Variants in MTHFD1 observed in about 807,000 individuals in gnomAD.
The protein encoded by MTHFD1 is C-1-tetrahydrofolate synthase, cytoplasmic.
Under a neutral mutation model 110.3 loss-of-function variants are expected in MTHFD1, and 44 were observed. That is an observed-to-expected ratio of 0.40 (90% CI 0.31 to 0.51). The LOEUF is 0.51. Ranked by LOEUF, MTHFD1 falls within the 20% of genes least tolerant of loss-of-function variation. MTHFD1 has a pLI of 0.60. For missense variants in MTHFD1, 909 were observed against 1,173.1 expected (o/e 0.77, Z 3.29); for synonymous variants, 402 against 428.8 (o/e 0.94, Z 0.77).
intron 2 of MTHFD1, 56 bp downstream of exon 2, chr14:64,400,933 T>C (rs530230911): frequency 1.6e-4 from 196 of 1,253,726 alleles, no homozygotes; most frequent in South Asian, 6.0e-4. Flanking sequence ...CTCAGTATCA[T>C]TTCAGACCTC....
At chr14:64,397,138 A>AATAT (rs1182197415) in intron 1 of MTHFD1, among the ~76,000 whole-genome samples, 3 of 11,942 alleles carry the variant, frequency 2.5e-4, no homozygotes, top group Non-Finnish European at 4.2e-4. Flanking sequence ...AAAAAAAAAA[A>AATAT]ATATATATAT....
intron 21 of MTHFD1, among the ~76,000 whole-genome samples, chr14:64,444,472 A>G (rs1275657429): frequency 6.6e-6 from 1 of 151,742 alleles, no homozygotes; most frequent in African/African-American, 2.4e-5. Flanking sequence ...CACCTCCTTA[A>G]TTCAGGTCAT....
At chr14:64,396,302 A>G (rs1374119311) in intron 1 of MTHFD1, among the ~76,000 whole-genome samples, 1 of 151,708 alleles carries the variant, frequency 6.6e-6, no homozygotes, top group Non-Finnish European at 1.5e-5. Context: ...TTTGAAATAT[A>G]TGTATTTCTT....
intron 15 of MTHFD1, among the ~76,000 whole-genome samples, chr14:64,432,150 T>G (rs781131326): frequency 8.5e-5 from 13 of 152,242 alleles, no homozygotes; most frequent in Non-Finnish European, 1.6e-4. Flanking sequence ...AGGATGTCAC[T>G]GTGGCGGCAT....
At chr14:64,434,742 A>G (rs1401754942) in intron 15 of MTHFD1, among the ~76,000 whole-genome samples, 2 of 152,054 alleles carry the variant, frequency 1.3e-5, no homozygotes, top group African/African-American at 4.8e-5. Context: ...ATGCTCTTGA[A>G]AGTACACTTA....
chr14:64,402,486 T>G (rs2077905226), intron 2 of MTHFD1, among the ~76,000 whole-genome samples: 1 of 152,224 alleles, frequency 6.6e-6, no homozygotes, highest in South Asian at 2.1e-4. Context: ...TTCACTTTAT[T>G]CATTTTTGAG....
chr14:64,403,049 T>G (rs886670618), intron 2 of MTHFD1, among the ~76,000 whole-genome samples: 1 of 152,114 alleles, frequency 6.6e-6, no homozygotes, highest in Admixed American at 6.6e-5. Flanking sequence ...AACCTTCATC[T>G]CCCAGGCTCA....
At chr14:64,421,683 G>A (rs2078072526) in intron 8 of MTHFD1, among the ~76,000 whole-genome samples, 1 of 151,456 alleles carries the variant, frequency 6.6e-6, no homozygotes. Context: ...GAGTGCTGTG[G>A]CGCGATCTCG....
rs1044740421 is a variant in MTHFD1 at position 64,459,950 on chromosome 14, T to G, written c.*196T>G. The G allele has an allele frequency of 2.8e-5, 43 of 1,526,970 alleles. No homozygotes were observed. Among genetic ancestry groups the G allele is most frequent in the Non-Finnish European group, 3.2e-5 (36 of 1,139,350 alleles). The allele number at this position is 1,526,970 out of a possible 1,614,324, so 94.6% of individuals were successfully genotyped here. A position where few individuals can be genotyped will look rare whatever the true frequency, so the allele number is the denominator to read the frequency against. ...ATCATGTATAAATTAACATAAATCA[T>G]GCATGTCTGTTTACTTTAGTGACGT... On this transcript the variant is annotated 3_prime_UTR_variant, in exon 28 of 28. Coordinates refer to ENST00000652337, the MANE Select transcript of MTHFD1 (RefSeq NM_005956.4).
intron 26 of MTHFD1, 176 bp from the exon 27 acceptor site, chr14:64,458,038 A>G (rs1178166337): frequency 1.5e-6 from 1 of 646,820 alleles, no homozygotes; most frequent in African/African-American, 1.8e-5. Context: ...CTACAGGCAC[A>G]TGCCATCATA....
intron 1 of MTHFD1, chr14:64,388,725 C>G (rs2077782968): frequency 6.8e-6 from 4 of 584,618 alleles, no homozygotes; most frequent in Non-Finnish European, 1.2e-5. Flanking sequence ...AAACGCGCAG[C>G]TGCTGGTGAC....
intron 22 of MTHFD1, chr14:64,445,171 C>T (rs1348710027): frequency 1.1e-5 from 3 of 274,650 alleles, no homozygotes; most frequent in Non-Finnish European, 2.1e-5. Context: ...GCTGAGAAAC[C>T]CTGTCCTAGA....
rs189795863 is a variant in MTHFD1 at position 64,411,625 on chromosome 14, C to T, written c.186+476C>T. 1.5e-3 allele frequency among the ~76,000 whole-genome samples: 232 copies of T among 152,300 alleles called. 2 individuals carry two copies. The highest frequency in any genetic ancestry group is 0.01 in the South Asian group (50 of 4,826). ...TTACATAAGATGACAGATGGCCGGACGCGGTGGCTCACGCCAGTAATCCCA... is the reference window on the plus strand; with the variant it reads ...TTACATAAGATGACAGATGGCCGGATGCGGTGGCTCACGCCAGTAATCCCA... On this transcript the variant is annotated intron_variant, in intron 3 of 27. Transcript: ENST00000652337.
At chr14:64,398,882 A>G (rs1596531301) in intron 1 of MTHFD1, among the ~76,000 whole-genome samples, 1 of 152,220 alleles carries the variant, frequency 6.6e-6, no homozygotes, top group Non-Finnish European at 1.5e-5. Flanking sequence ...TTATGGATGT[A>G]ATTTCATTTA....
In MTHFD1 at chr14:64,459,833, T is replaced by C. The variant is rs917669759; in HGVS notation, c.*79T>C. 6.5e-7 allele frequency: 1 copy of C among 1,535,970 alleles called. No individual in the cohort carries two copies. Among genetic ancestry groups the C allele is most frequent in the Non-Finnish European group, 8.7e-7 (1 of 1,146,774 alleles). On this transcript the variant is annotated 3_prime_UTR_variant, in exon 28 of 28. Transcript: ENST00000652337. ...TTCAGGCCCACTGGGAGTTAGGAAGTATAAGTAAGCCAAGAGAAGTCAGCC... is the reference window on the plus strand; with the variant it reads ...TTCAGGCCCACTGGGAGTTAGGAAGCATAAGTAAGCCAAGAGAAGTCAGCC...
Position 64,435,646 on chromosome 14 carries a change from T to A in MTHFD1, c.1572T>A (p.Asp524Glu). Residue 524 changes from aspartate (D) to glutamate (E), a missense_variant, in exon 16 of 28, where the codon GAT becomes GAA. Coordinates refer to ENST00000652337, the MANE Select transcript of MTHFD1 (RefSeq NM_005956.4). Reference protein sequence around the residue: ...EINRFARLDIDPETITWQRVL... With the variant: ...EINRFARLDIEPETITWQRVL... Reference sequence around the variant, plus strand: ...ACAGATTTGCAAGATTGGACATTGATCCAGAAACCATAACTTGGCAAAGAG... The same window carrying A: ...ACAGATTTGCAAGATTGGACATTGAACCAGAAACCATAACTTGGCAAAGAG... 6.2e-7 allele frequency: 1 copy of A among 1,611,608 alleles called. No homozygotes were observed. Among genetic ancestry groups the A allele is most frequent in the Non-Finnish European group, 8.5e-7 (1 of 1,177,744 alleles).
intron 8 of MTHFD1, among the ~76,000 whole-genome samples, chr14:64,423,427 A>T (rs1355903585): frequency 1.3e-5 from 2 of 151,782 alleles, no homozygotes; most frequent in Non-Finnish European, 2.9e-5. Context: ...TTTTTTTGAG[A>T]CGGAGTTTCG....
At chr14:64,429,348 T>A (rs145708738) in intron 12 of MTHFD1, among the ~76,000 whole-genome samples, 1 of 148,570 alleles carries the variant, frequency 6.7e-6, no homozygotes, top group Non-Finnish European at 1.5e-5. Flanking sequence ...TGAGACAGAG[T>A]CTTGCTCTGT....
intron 2 of MTHFD1, among the ~76,000 whole-genome samples, chr14:64,404,809 C>G (rs898965209): frequency 2.6e-5 from 4 of 151,968 alleles, no homozygotes; most frequent in African/African-American, 9.7e-5. Context: ...CATCTCTACT[C>G]AAAATACAAA....
Sources: allele counts gnomAD v4.1 joint callset (sites outside exome capture counted in the v4.1 genomes callset), GRCh38; gene constraint gnomAD v4.1.1; transcripts MANE v1.5; gene names NCBI Gene and HGNC (gene_info 2026-07-23, HGNC 2026-07-21).